Variants in COG3 observed in about 807,000 individuals in gnomAD.
COG3 encodes the protein component of oligomeric golgi complex 3.
In COG3, 32 loss-of-function variants were observed where a neutral mutation model predicts 114.1. The observed-to-expected ratio is 0.28, with a 90% CI of 0.21 to 0.38. The LOEUF is 0.38. Among genes scored for constraint, COG3 ranks in the 10% least tolerant of loss-of-function variants. The pLI, the probability that COG3 is intolerant of heterozygous loss-of-function variation, is 1.00. For missense variants in COG3, 813 were observed against 973.2 expected (o/e 0.84, Z 2.19); for synonymous variants, 352 against 365.7 (o/e 0.96, Z 0.43).
chr13:45,492,964 G>A (rs79502793), intron 11 of COG3, among the ~76,000 whole-genome samples: 3 of 151,962 alleles, frequency 2.0e-5, no homozygotes, highest in African/African-American at 7.2e-5. Context: ...GTCTTTCCTC[G>A]GGGAAAAAGT....
intron 1 of COG3, among the ~76,000 whole-genome samples, chr13:45,468,615 T>C (rs1183017085): frequency 6.6e-6 from 1 of 152,212 alleles, no homozygotes; most frequent in African/African-American, 2.4e-5. Context: ...CTGCAAGAAG[T>C]AAAGCTTGGG....
At chr13:45,515,867 T>TAGA (rs971881435) in intron 16 of COG3, among the ~76,000 whole-genome samples, 19 of 152,214 alleles carry the variant, frequency 1.2e-4, no homozygotes, top group African/African-American at 4.6e-4. Flanking sequence ...CAGGTGAAAG[T>TAGA]AGATTGGACT....
chr13:45,505,686 T>G (rs1241978180), intron 14 of COG3, among the ~76,000 whole-genome samples: 1 of 152,090 alleles, frequency 6.6e-6, no homozygotes. Flanking sequence ...TTCGAACTTC[T>G]GTGCTCAAGC....
chr13:45,465,465 TC>T (rs1192890919), intron 1 of COG3: 4 of 514,070 alleles, frequency 7.8e-6, no homozygotes, highest in Non-Finnish European at 3.3e-6. Context: ...AACCCAGTCC[TC>T]CCCCAGCAGC....
Position 45,493,270 on chromosome 13 carries a change from A to G in COG3, c.1188-77A>G, listed in dbSNP as rs965327268. 3.4e-6 allele frequency: 4 copies of G among 1,193,960 alleles called. No homozygotes were observed. In the African/African-American group the frequency reaches 4.6e-5, roughly 14 times the overall value. 74.0% of individuals were successfully genotyped at this position (1,193,960 alleles called of 1,614,324 possible). ...TTATTGTTCTTATTGACTGGAAGAAATCAATGAGGATTTCTAAATTATTAC... is the reference window on the plus strand; with the variant it reads ...TTATTGTTCTTATTGACTGGAAGAAGTCAATGAGGATTTCTAAATTATTAC... On this transcript the variant is annotated intron_variant, in intron 11 of 22. Transcript: ENST00000349995.
At chr13:45,514,696 G>A (rs1335734856) in intron 16 of COG3, among the ~76,000 whole-genome samples, 1 of 151,798 alleles carries the variant, frequency 6.6e-6, no homozygotes, top group African/African-American at 2.4e-5. Context: ...CGCCCAGGCT[G>A]GAGTGCAGTG....
intron 1 of COG3, among the ~76,000 whole-genome samples, chr13:45,468,863 C>T (rs35391963): frequency 0.09 from 13,688 of 152,254 alleles, 786 homozygotes; most frequent in African/African-American, 0.15. Flanking sequence ...TCACCTCCTC[C>T]TGAGAAGTGA....
chr13:45,494,838 A>AT (rs1278315913), intron 12 of COG3, among the ~76,000 whole-genome samples: 282 of 113,302 alleles, frequency 2.5e-3, no homozygotes, highest in African/African-American at 3.8e-3. Flanking sequence ...AATTAATGTG[A>AT]TTTTTTTTTT....
chr13:45,475,357 C>T (rs997337970), intron 1 of COG3, among the ~76,000 whole-genome samples: 10 of 152,090 alleles, frequency 6.6e-5, no homozygotes, highest in South Asian at 2.1e-4. Context: ...CCACCACACC[C>T]AGCTAATTTT....
intron 11 of COG3, among the ~76,000 whole-genome samples, 175 bp from the exon 12 acceptor site, chr13:45,493,172 T>C (rs183248227): frequency 4.6e-5 from 7 of 152,320 alleles, no homozygotes; most frequent in Non-Finnish European, 8.8e-5. Flanking sequence ...AAGCAAAAAC[T>C]GTTTATAGAA....
intron 7 of COG3, among the ~76,000 whole-genome samples, chr13:45,484,233 T>TA (rs1198368061): frequency 6.6e-6 from 1 of 151,612 alleles, no homozygotes; most frequent in Non-Finnish European, 1.5e-5. Flanking sequence ...CTAACCTATA[T>TA]TTTTTTTTAT....
At chr13:45,527,914 A>C (rs971952888) in intron 20 of COG3, among the ~76,000 whole-genome samples, 2 of 152,160 alleles carry the variant, frequency 1.3e-5, no homozygotes, top group African/African-American at 4.8e-5. Context: ...TTTGAACCAG[A>C]GCAACTCCAT....
chr13:45,516,363 G>C (rs751301660), intron 17 of COG3, 100 bp downstream of exon 17: 94 of 1,039,028 alleles, frequency 9.0e-5, no homozygotes, highest in Non-Finnish European at 1.1e-4. Flanking sequence ...GCAATTTTTT[G>C]CATGCTTTGC....
chr13:45,520,131 C>A (rs8000948), intron 19 of COG3, among the ~76,000 whole-genome samples: 5 of 151,492 alleles, frequency 3.3e-5, no homozygotes, highest in Non-Finnish European at 7.4e-5. Context: ...CTACAAAAAA[C>A]GAACAAAATT....
intron 22 of COG3, among the ~76,000 whole-genome samples, chr13:45,532,668 C>G (rs759577726): frequency 2.1e-5 from 3 of 142,512 alleles, no homozygotes; most frequent in Non-Finnish European, 4.5e-5. Context: ...CTCCCGGGTT[C>G]ATGCCATTCT....
intron 22 of COG3, among the ~76,000 whole-genome samples, chr13:45,531,856 G>T (rs2137934671): frequency 6.6e-6 from 1 of 152,290 alleles, no homozygotes; most frequent in East Asian, 1.9e-4. Flanking sequence ...TGGGGTGGTA[G>T]CCGGAGGGAG....
intron 1 of COG3, chr13:45,465,726 G>C (rs9534158): frequency 0.11 from 16,369 of 152,716 alleles, 992 homozygotes; most frequent in East Asian, 0.13. Context: ...ATCGCACATT[G>C]AACTATGAGC....
At position 45,478,985 on chromosome 13, in the gene COG3, A is replaced by G. The variant is rs1378636407; in HGVS notation, c.322-20A>G. The G allele has an allele frequency of 1.3e-6, 2 of 1,591,114 alleles. No individual in the cohort carries two copies. Reference sequence around the variant, plus strand: ...TGTCAGTTTTAGTTTTGTTCACAATATAATACTCTGTTTTTCCAGTTTTTC... The same window carrying G: ...TGTCAGTTTTAGTTTTGTTCACAATGTAATACTCTGTTTTTCCAGTTTTTC... On this transcript the variant is annotated intron_variant, in intron 2 of 22. Coordinates refer to ENST00000349995, the MANE Select transcript of COG3 (RefSeq NM_031431.4).
At chr13:45,465,358 C>A (rs1885070187) in intron 1 of COG3, 148 bp downstream of exon 1, 4 of 1,308,580 alleles carry the variant, frequency 3.1e-6, no homozygotes, top group Non-Finnish European at 4.1e-6. Flanking sequence ...GGAGGGGCCT[C>A]ATCTCCCAGG....
Sources: allele counts gnomAD v4.1 joint callset (sites outside exome capture counted in the v4.1 genomes callset), GRCh38; gene constraint gnomAD v4.1.1; transcripts MANE v1.5; gene names NCBI Gene and HGNC (gene_info 2026-07-23, HGNC 2026-07-21).